IQCE: variants seen among roughly 807,000 people sequenced by gnomAD.
IQCE encodes IQ motif containing E.
A neutral mutation model predicts 96.0 loss-of-function variants in IQCE; 115 were observed. The observed-to-expected ratio is 1.20, with a 90% CI of 1.03 to 1.40. The LOEUF is 1.40. IQCE is among the 40% of genes most tolerant of loss of function. The pLI is 0.00. For synonymous variants in IQCE, 412 were observed against 371.2 expected (o/e 1.11, Z -1.26); for missense variants, 1,041 against 909.1 (o/e 1.15, Z -1.87).
chr7:2,610,019 C>A (rs201483489), intron 21 of IQCE, 25 bp from the exon 22 acceptor site: 1 of 1,340,718 alleles, frequency 7.5e-7, no homozygotes. Flanking sequence ...TGGCTGACCC[C>A]TCTCCCTGTG....
intron 1 of IQCE, among the ~76,000 whole-genome samples, chr7:2,565,643 C>T (rs1470577668): frequency 6.6e-6 from 1 of 152,172 alleles, no homozygotes; most frequent in Non-Finnish European, 1.5e-5. Flanking sequence ...CTTGGCTTTT[C>T]TGATCCCCCG....
intron 1 of IQCE, 32 bp downstream of exon 1, chr7:2,559,249 G>A: frequency 8.3e-7 from 1 of 1,198,722 alleles, no homozygotes; most frequent in Non-Finnish European, 1.0e-6. Context: ...ACGCCGGGCG[G>A]GCGTCCGCGA....
At chr7:2,607,586 A>T in intron 21 of IQCE, 1 of 1,211,112 alleles carries the variant, frequency 8.3e-7, no homozygotes, top group South Asian at 3.5e-5. Context: ...GTCCAAAAAC[A>T]GTCAGTGAAG....
At chr7:2,579,120 C>T (rs1290282922) in intron 8 of IQCE, among the ~76,000 whole-genome samples, 2 of 151,502 alleles carry the variant, frequency 1.3e-5, no homozygotes, top group African/African-American at 2.4e-5. Flanking sequence ...AGATCCAGAC[C>T]CCCCTCAGAT....
rs1379392850 is a variant in IQCE, at chr7:2,578,292, G to T, written c.516G>T (p.Arg172=). ...TGGACCTGATGAGAACGAAGCTCCG[G>T]CGCCTGGAGGAGGAAAACAGCAGGA... ...SDVDLMRTKL[R]RLEEENSRKD... Residue 172 remains arginine (R), a synonymous_variant, in exon 7 of 22, where the codon CGG becomes CGT. Coordinates refer to ENST00000402050, the MANE Select transcript of IQCE (RefSeq NM_152558.5). The T allele has an allele frequency of 6.2e-7, 1 of 1,613,908 alleles. No homozygotes were observed. The highest frequency in any genetic ancestry group is 1.1e-5 in the South Asian group (1 of 91,082).
In IQCE at chr7:2,571,671, C is replaced by T. The variant is rs765767263; in HGVS notation, c.259+17C>T. Reference sequence around the variant, plus strand: ...CAAAGCCAGGTATGTGGTTGTCGCACTGGAGACCCTTCCTGCTTGAGAGAA... The same window carrying T: ...CAAAGCCAGGTATGTGGTTGTCGCATTGGAGACCCTTCCTGCTTGAGAGAA... On this transcript the variant is annotated intron_variant, in intron 4 of 21. Coordinates refer to ENST00000402050, the MANE Select transcript of IQCE (RefSeq NM_152558.5). The T allele has an allele frequency of 3.8e-6, 6 of 1,594,154 alleles. No individual in the cohort carries two copies. The South Asian group carries it at 4.4e-5, about 12-fold the overall frequency.
chr7:2,584,996 A>G (rs1782984428), intron 11 of IQCE, among the ~76,000 whole-genome samples: 1 of 151,984 alleles, frequency 6.6e-6, no homozygotes, highest in Admixed American at 6.6e-5. Context: ...GCGAATACTA[A>G]ACCACTGCTC....
intron 1 of IQCE, among the ~76,000 whole-genome samples, chr7:2,565,366 A>T (rs564846285): frequency 6.6e-6 from 1 of 152,094 alleles, no homozygotes; most frequent in Non-Finnish European, 1.5e-5. Flanking sequence ...TCCCTGCACT[A>T]TGACCGGCAG....
rs1780718540 is a variant in IQCE, at chr7:2,559,091, G to A, written c.-91G>A. 2 of 520,224 alleles carry A rather than the reference G, an allele frequency of 3.8e-6. No individual in the cohort carries two copies. Among genetic ancestry groups the A allele is most frequent in the Non-Finnish European group, 2.6e-6 (1 of 384,836 alleles). 32.2% of individuals were successfully genotyped at this position (520,224 alleles called of 1,614,324 possible). ...GCGGGCCGGCGCCAGGGAAGGCCCC[G>A]AGGCTGCGGGCGGCCAGGGCTGCCC... On this transcript the variant is annotated 5_prime_UTR_variant, in exon 1 of 22. Transcript: ENST00000402050.
chr7:2,605,849 G>A (rs569415679), intron 19 of IQCE, 27 bp from the exon 20 acceptor site: 23 of 1,538,476 alleles, frequency 1.5e-5, no homozygotes, highest in Admixed American at 7.8e-5. Context: ...CCAAACAGTC[G>A]TCTTCCCTGC....
At chr7:2,598,307 G>C in intron 16 of IQCE, 158 bp from the exon 17 acceptor site, 1 of 642,804 alleles carries the variant, frequency 1.6e-6, no homozygotes. Context: ...CTGTCATGTG[G>C]TCTGCAGACC....
At chr7:2,575,858 G>C (rs951616392) in intron 6 of IQCE, among the ~76,000 whole-genome samples, 1 of 152,080 alleles carries the variant, frequency 6.6e-6, no homozygotes, top group Non-Finnish European at 1.5e-5. Flanking sequence ...CCCGGCTCCC[G>C]GCCCATCCGC....
intron 6 of IQCE, among the ~76,000 whole-genome samples, chr7:2,577,662 C>T (rs868110928): frequency 6.3e-5 from 4 of 63,934 alleles, no homozygotes; most frequent in African/African-American, 2.6e-4. Context: ...TGGCTGTGCG[C>T]GCGGGGACGT....
At chr7:2,594,010 G>A (rs1167703528) in intron 15 of IQCE, among the ~76,000 whole-genome samples, 3 of 151,836 alleles carry the variant, frequency 2.0e-5, no homozygotes, top group South Asian at 4.2e-4. Context: ...GCCTGTAATC[G>A]CAGCACTTTG....
In IQCE at chr7:2,598,511, A is replaced by C; in HGVS notation, c.1487A>C (p.Gln496Pro). 6.2e-7 allele frequency: 1 copy of C among 1,610,056 alleles called. No individual in the cohort carries two copies. The highest frequency in any genetic ancestry group is 8.5e-7 in the Non-Finnish European group (1 of 1,178,232). ...APTPSSRHCE[Q>P]DWPPDSSEEG... is the part of the protein sequence containing the mutation. ...ACTCCCAGCAGCAGGCACTGCGAGC[A>C]AGACTGGCCGCCGGATTCCAGCGAG... The change falls in exon 17 of 22, where the codon CAA becomes CCA. Residue 496 changes from glutamine to proline, a missense_variant. Gln to Pro is a moderately conservative substitution (Grantham distance 76). Transcript: ENST00000402050.
At chr7:2,574,701 T>G (rs1781991676) in intron 6 of IQCE, among the ~76,000 whole-genome samples, 1 of 152,210 alleles carries the variant, frequency 6.6e-6, no homozygotes, top group African/African-American at 2.4e-5. Context: ...AGTCATCAAG[T>G]CTTGAGTTGT....
intron 10 of IQCE, among the ~76,000 whole-genome samples, chr7:2,584,034 G>T (rs1373264728): frequency 1.3e-5 from 2 of 151,768 alleles, no homozygotes; most frequent in Admixed American, 6.6e-5. Context: ...GCTGGCCCCG[G>T]GTGGTGGGCC....
chr7:2,572,017 A>C (rs995320634), intron 4 of IQCE, among the ~76,000 whole-genome samples, 175 bp from the exon 5 acceptor site: 5 of 152,306 alleles, frequency 3.3e-5, no homozygotes, highest in Admixed American at 2.6e-4. Context: ...TGTAATCAGG[A>C]CTGTATTAAT....
chr7:2,578,694 AG>A (rs1782411167), intron 8 of IQCE, among the ~76,000 whole-genome samples, 168 bp downstream of exon 8: 1 of 152,092 alleles, frequency 6.6e-6, no homozygotes. Context: ...CACCACGGGG[AG>A]GGGGGCCAGC....
Sources: gnomAD v4.1 joint callset for allele counts (sites outside exome capture counted in the v4.1 genomes callset) on GRCh38, gnomAD v4.1.1 for gene constraint, MANE v1.5 for transcripts, NCBI Gene and HGNC (gene_info 2026-07-23, HGNC 2026-07-21) for gene names.